The following GJA5 variants were observed in gnomAD, a reference collection of about 807,000 sequenced individuals.
GJA5 encodes gap junction protein alpha 5, also known as gap junction alpha-5 protein.
GJA5 carries 3 observed loss-of-function variants against 7.9 expected under a neutral mutation model. That is an observed-to-expected ratio of 0.38 (90% confidence interval 0.17 to 0.99). GJA5 has a LOEUF of 0.99. GJA5 is among the 50% of genes least tolerant of loss of function. The pLI, the probability that GJA5 is intolerant of heterozygous loss-of-function variation, is 0.38. For synonymous variants in GJA5, 193 were observed against 181.0 expected, an observed-to-expected ratio of 1.07 and a Z score of -0.53; for missense variants, 390 against 457.9, an observed-to-expected ratio of 0.85 and a Z score of 1.35.
At chr1:147,768,115 G>GAACCTTGTTCATTGTAGAGGGGA (rs1553228479) in intron 1 of GJA5, among the ~76,000 whole-genome samples, 1 of 152,180 alleles carries the variant, frequency 6.6e-6, no homozygotes, top group Non-Finnish European at 1.5e-5. Context: ...CAGCATCCCT[G>GAACCTTGTTCATTGTAGAGGGGA]AACCTTGTTC....
intron 1 of GJA5, 58 bp from the exon 2 acceptor site, chr1:147,759,329 G>T: frequency 1.1e-5 from 10 of 917,880 alleles, no homozygotes; most frequent in African/African-American, 1.6e-5. Context: ...TGAAGGTCTG[G>T]AATGTCTATC....
chr1:147,769,468 G>A (rs1050571696), intron 1 of GJA5, among the ~76,000 whole-genome samples: 1 of 152,272 alleles, frequency 6.6e-6, no homozygotes, highest in African/African-American at 2.4e-5. Context: ...TTATTCATGG[G>A]GATAACGTAA....
chr1:147,771,674 T>C (rs782534770), intron 1 of GJA5, among the ~76,000 whole-genome samples: 11 of 152,230 alleles, frequency 7.2e-5, no homozygotes, highest in Non-Finnish European at 1.5e-4. Flanking sequence ...GCTGTGGCTC[T>C]GTGAACGTCA....
At chr1:147,768,955 G>C (rs151218809) in intron 1 of GJA5, among the ~76,000 whole-genome samples, 1 of 152,204 alleles carries the variant, frequency 6.6e-6, no homozygotes, top group Non-Finnish European at 1.5e-5. Flanking sequence ...TGATAAGCCC[G>C]TGCCCAGAAC....
chr1:147,758,718 A>C lies in GJA5; in HGVS notation c.521T>G (p.Ile174Ser), dbSNP rs782021732. The C allele has an allele frequency of 1.2e-6, 2 of 1,614,198 alleles. No homozygotes were observed. Among genetic ancestry groups the C allele is most frequent in the South Asian group, 2.2e-5 (2 of 91,080 alleles). Reference sequence around the variant, plus strand: ...CAGGGTGGTCAGGAAGATTCCGTAGATGAAGTACTGGCCCACAATGAAGCC... The same window carrying C: ...CAGGGTGGTCAGGAAGATTCCGTAGCTGAAGTACTGGCCCACAATGAAGCC... ...EVGFIVGQYFIYGIFLTTLHV... is the reference protein window; with the variant it reads ...EVGFIVGQYFSYGIFLTTLHV... The change falls in exon 2 of 2, where the codon ATC becomes AGC. Residue 174 changes from isoleucine to serine, a missense_variant. Ile to Ser is a moderately radical substitution (Grantham distance 142). Transcript: ENST00000579774.
intron 1 of GJA5, among the ~76,000 whole-genome samples, 163 bp from the exon 2 acceptor site, chr1:147,759,434 T>C (rs1375891135): frequency 2.6e-5 from 4 of 152,212 alleles, no homozygotes; most frequent in African/African-American, 9.7e-5. Flanking sequence ...TCGCTCTCCT[T>C]TCCCAGCAAA....
At chr1:147,769,407 G>T (rs1452535355) in intron 1 of GJA5, among the ~76,000 whole-genome samples, 1 of 152,272 alleles carries the variant, frequency 6.6e-6, no homozygotes, top group East Asian at 1.9e-4. Context: ...TGTAACCCTA[G>T]GCAAGTCACT....
rs587639962 is a variant in GJA5, at chr1:147,757,797, C to A, written c.*365G>T. On this transcript the variant is annotated 3_prime_UTR_variant, in exon 2 of 2. Transcript: ENST00000579774. ...GTCAAGGAGGTAGGAACTTAGAGAA[C>A]GCATTTGGTATGCTGCTGGTATGTA... 6.7e-5 allele frequency: 20 copies of A among 296,932 alleles called. No homozygotes were observed. In the East Asian group the frequency reaches 1.6e-3, roughly 24 times the overall value. The allele number at this position is 296,932 out of a possible 1,614,324, so 18.4% of individuals were successfully genotyped here. A position where few individuals can be genotyped will look rare whatever the true frequency, so the allele number is the denominator to read the frequency against.
chr1:147,762,557 T>A (rs1050859669), upstream of GJA5, among the ~76,000 whole-genome samples: 3 of 152,158 alleles, frequency 2.0e-5, no homozygotes, highest in African/African-American at 7.2e-5. Flanking sequence ...AGGAAGGATA[T>A]CTTATTGGGA....
chr1:147,758,797 T>A lies in GJA5; in HGVS notation c.442A>T (p.Thr148Ser). 6.2e-7 allele frequency: 1 copy of A among 1,614,116 alleles called. No individual in the cohort carries two copies. Among genetic ancestry groups the A allele is most frequent in the Non-Finnish European group, 8.5e-7 (1 of 1,179,998 alleles). The change falls in exon 2 of 2, where the codon ACT becomes TCT. Residue 148 changes from threonine (T) to serine (S), a missense_variant. Coordinates refer to ENST00000579774, the MANE Select transcript of GJA5 (RefSeq NM_181703.4). ...EGNGRIALQG[T>S]LLNTYVCSIL... is the part of the protein sequence containing the mutation. ...CTGCACACATAGGTGTTGAGCAGAG[T>A]GCCCTGGAGGGCAATCCTTCCATTC...
intron 1 of GJA5, among the ~76,000 whole-genome samples, chr1:147,772,721 C>T (rs12042002): frequency 2.1e-5 from 3 of 140,536 alleles, no homozygotes; most frequent in East Asian, 2.3e-4. Flanking sequence ...CACTGCACAG[C>T]GGGGACATGA....
At position 147,758,545 on chromosome 1, in the gene GJA5, TC is replaced by T; in HGVS notation, c.693del (p.Trp231Ter). The T allele has an allele frequency of 6.2e-7, 1 of 1,613,696 alleles. No individual in the cohort carries two copies. ...TTGACAAATCGCTGTCTGATCTTCT[TC>T]CAGCCCAGGTGGTAGAGTTCAGCCA... ...LSLAELYHLG[W>X]KKIRQRFVKP... On this transcript the variant is annotated frameshift_variant, in exon 2 of 2. Transcript: ENST00000579774. LOFTEE classifies it low-confidence loss of function (END_TRUNC).
At position 147,758,949 on chromosome 1, in the gene GJA5, A is replaced by G. The variant is rs1663867582; in HGVS notation, c.290T>C (p.Met97Thr). 2.5e-6 allele frequency: 4 copies of G among 1,614,122 alleles called. No homozygotes were observed. The highest frequency in any genetic ancestry group is 2.7e-5 in the African/African-American group (2 of 74,952). The change falls in exon 2 of 2, where the codon ATG becomes ACG. Residue 97 changes from methionine (M) to threonine (T), a missense_variant. Met to Thr is a moderately conservative substitution (Grantham distance 81). This residue lies in a region of GJA5 where 354 missense variants were observed against 370.9 expected (regional missense o/e 0.95). Coordinates refer to ENST00000579774, the MANE Select transcript of GJA5 (RefSeq NM_181703.4). Reference sequence around the variant, plus strand: ...CTTCTCCTGCATGCGCACAGTGTGCATGGCGTGGCCCATGTACACCAGAGA... The same window carrying G: ...CTTCTCCTGCATGCGCACAGTGTGCGTGGCGTGGCCCATGTACACCAGAGA... ...TPSLVYMGHA[M>T]HTVRMQEKRK... is the part of the protein sequence containing the mutation.
rs782337783 is a variant in GJA5 at position 147,758,423 on chromosome 1, C to G, written c.816G>C (p.Glu272Asp). 1.2e-6 allele frequency: 2 copies of G among 1,614,172 alleles called. No individual in the cohort carries two copies. Among genetic ancestry groups the G allele is most frequent in the Non-Finnish European group, 1.7e-6 (2 of 1,180,014 alleles). ...TPPPDFNQCL[E>D]NGPGGKFFNP... ...TGAAGAATTTTCCCCCAGGGCCATTCTCCAGGCACTGATTAAAGTCGGGGG... is the reference window on the plus strand; with the variant it reads ...TGAAGAATTTTCCCCCAGGGCCATTGTCCAGGCACTGATTAAAGTCGGGGG... Residue 272 changes from glutamate (E) to aspartate (D), a missense_variant, in exon 2 of 2, where the codon GAG becomes GAC. Physicochemically the swap from Glu to Asp is conservative, Grantham distance 45. Coordinates refer to ENST00000579774, the MANE Select transcript of GJA5 (RefSeq NM_181703.4).
rs587742014 is a variant in GJA5 at position 147,756,527 on chromosome 1, G to C, written c.*1635C>G. 3 of 152,330 alleles carry C rather than the reference G, an allele frequency of 2.0e-5. No homozygotes were observed. The East Asian group carries it at 5.8e-4, about 29-fold the overall frequency. The allele number at this position is 152,330 out of a possible 1,614,324, so 9.4% of individuals were successfully genotyped here. On this transcript the variant is annotated 3_prime_UTR_variant, in exon 2 of 2. Transcript: ENST00000579774. ...GGCCCAGAGATGGGCAGGTGAGTCA[G>C]AGGTTGAACCTCCTTCTGAGCCTTT...
rs782310182 is a variant in GJA5, at chr1:147,759,281, GGA to G, written c.-33-12_-33-11del. On this transcript the variant is annotated splice_polypyrimidine_tract_variant and intron_variant, in intron 1 of 1. Coordinates refer to ENST00000579774, the MANE Select transcript of GJA5 (RefSeq NM_181703.4). ...ACAGATGCCAAAACTTCTGCAAATG[GGA>G]GAGAGAGAAAGAGAGAAAAGAAGAA... 5 of 1,246,638 alleles carry G rather than the reference GGA, an allele frequency of 4.0e-6. No homozygotes were observed. In the African/African-American group the frequency reaches 4.4e-5, roughly 11 times the overall value. 77.2% of individuals were successfully genotyped at this position (1,246,638 alleles called of 1,614,324 possible).
chr1:147,759,599 A>G (rs943071248), intron 1 of GJA5, among the ~76,000 whole-genome samples: 7 of 152,314 alleles, frequency 4.6e-5, no homozygotes, highest in African/African-American at 1.7e-4. Flanking sequence ...GATGGCCCCC[A>G]GGAATCTGGA....
rs1184193737 is a variant in GJA5, at chr1:147,758,285, G to A, written c.954C>T (p.Gly318=). The change falls in exon 2 of 2, where the codon GGC becomes GGT. Residue 318 remains glycine, a synonymous_variant. Transcript: ENST00000579774. ...PGEGFIQVRY[G]QKPEVPNGVS... is the part of the protein sequence containing the mutation. ...CTCCATTGGGCACCTCAGGCTTCTG[G>A]CCATAACGAACCTGGATGAAACCTT... 6 of 1,613,918 alleles carry A rather than the reference G, an allele frequency of 3.7e-6. No homozygotes were observed. Among genetic ancestry groups the A allele is most frequent in the Non-Finnish European group, 5.1e-6 (6 of 1,179,952 alleles).
Position 147,771,374 on chromosome 1 carries a change from G to C in GJA5, c.-34+1878C>G, listed in dbSNP as rs76855224. Among the ~76,000 whole-genome samples the C allele has an allele frequency of 4.0e-3, 604 of 152,268 alleles. 3 individuals carry two copies. The highest frequency in any genetic ancestry group is 0.014 in the African/African-American group (585 of 41,556). On this transcript the variant is annotated intron_variant, in intron 1 of 1. Transcript: ENST00000430508. ...GACATTAGAAGAGCCCTCGGTATGA[G>C]TGAGCAGGGCAGGGTGCTCTCCCAA...
Sources: allele counts gnomAD v4.1 joint callset (sites outside exome capture counted in the v4.1 genomes callset), GRCh38; gene constraint gnomAD v4.1.1; regional missense constraint gnomAD v4.1.1; transcripts MANE v1.5; gene names NCBI Gene and HGNC (gene_info 2026-07-23, HGNC 2026-07-21).